Variants in ZFAND4 observed in about 807,000 individuals in gnomAD.
ZFAND4 encodes the protein AN1-type zinc finger protein 4.
A neutral mutation model predicts 64.4 loss-of-function variants in ZFAND4; 43 were observed. That is an observed-to-expected ratio of 0.67 (90% CI 0.52 to 0.86). The LOEUF (loss-of-function observed/expected upper bound fraction) is 0.86, where lower values mean the gene tolerates loss of function less well. Among genes scored for constraint, ZFAND4 ranks in the 40% least tolerant of loss-of-function variants. ZFAND4 has a pLI of 0.00. For missense variants in ZFAND4, 929 were observed against 859.8 expected (o/e 1.08, Z -1.01); for synonymous variants, 296 against 305.7 (o/e 0.97, Z 0.33).
chr10:45,660,024 A>C (rs920755371), intron 2 of ZFAND4, among the ~76,000 whole-genome samples: 1 of 152,044 alleles, frequency 6.6e-6, no homozygotes, highest in African/African-American at 2.4e-5. Context: ...AAAATACAAA[A>C]AATTAGCCGG....
chr10:45,636,951 T>C (rs2046636796), intron 6 of ZFAND4, among the ~76,000 whole-genome samples: 1 of 151,434 alleles, frequency 6.6e-6, no homozygotes, highest in African/African-American at 2.4e-5. Context: ...CATTTAGGAC[T>C]GTGAAGAAAG....
At chr10:45,665,456 G>A (rs373551795) in intron 1 of ZFAND4, among the ~76,000 whole-genome samples, 14 of 152,092 alleles carry the variant, frequency 9.2e-5, no homozygotes, top group African/African-American at 2.9e-4. Flanking sequence ...CAGGAGAACC[G>A]CTTGAGTCCA....
intron 2 of ZFAND4, among the ~76,000 whole-genome samples, chr10:45,660,052 C>G (rs1472074872): frequency 6.6e-6 from 1 of 151,430 alleles, no homozygotes; most frequent in East Asian, 1.9e-4. Context: ...GTCCCACCTA[C>G]TCGGGAGGCT....
At chr10:45,667,458 C>CCTTTTTTTTTTTTTTTTTTTTTT (rs1564639790) in intron 1 of ZFAND4, among the ~76,000 whole-genome samples, 1 of 90,662 alleles carries the variant, frequency 1.1e-5, no homozygotes. Flanking sequence ...TCTTTTCTTT[C>CCTTTTTTTTTTTTTTTTTTTTTT]TTTTTTTTTT....
chr10:45,658,251 A>G (rs1173000627), intron 2 of ZFAND4, among the ~76,000 whole-genome samples: 3 of 152,226 alleles, frequency 2.0e-5, no homozygotes, highest in Non-Finnish European at 4.4e-5. Context: ...AGATACACAC[A>G]GACACAAGGA....
chr10:45,635,225 C>CAAAAAAAAAAA (rs1486980850), intron 6 of ZFAND4, among the ~76,000 whole-genome samples: 7 of 70,664 alleles, frequency 9.9e-5, no homozygotes, highest in African/African-American at 1.6e-4. Flanking sequence ...AAAAAAAAAA[C>CAAAAAAAAAAA]AAACAAAAAA....
intron 7 of ZFAND4, 128 bp downstream of exon 7, chr10:45,625,823 T>G: frequency 1.0e-6 from 1 of 957,172 alleles, no homozygotes; most frequent in Non-Finnish European, 1.5e-6. Context: ...AAATAAACAT[T>G]TTCAGATAAA....
At chr10:45,664,440 T>C (rs756993159) in intron 1 of ZFAND4, among the ~76,000 whole-genome samples, 6 of 151,996 alleles carry the variant, frequency 3.9e-5, no homozygotes, top group Non-Finnish European at 8.8e-5. Context: ...AGCAGATTTT[T>C]GTATTTTTAG....
intron 6 of ZFAND4, among the ~76,000 whole-genome samples, chr10:45,638,273 G>C (rs905951171): frequency 2.0e-5 from 3 of 151,112 alleles, no homozygotes; most frequent in African/African-American, 7.3e-5. Context: ...CATGAGGTCA[G>C]GAGATCGAGA....
At position 45,621,796 on chromosome 10, in the gene ZFAND4, A is replaced by C. The variant is rs180798052; in HGVS notation, c.1927+2787T>G. Among the ~76,000 whole-genome samples the C allele has an allele frequency of 3.8e-3, 574 of 152,308 alleles. 3 individuals are homozygous for C. The highest frequency in any genetic ancestry group is 0.013 in the African/African-American group (549 of 41,570). ...ACTGAGGTTAAAAAAAGATTAAAAC[A>C]AAAGTAAAAATTTATAACAATGTGA... On this transcript the variant is annotated intron_variant, in intron 8 of 9. Transcript: ENST00000344646.
In ZFAND4 at chr10:45,652,024, T is replaced by C; in HGVS notation, c.270A>G (p.Glu90=). 1 of 1,613,808 alleles carries C rather than the reference T, an allele frequency of 6.2e-7. No homozygotes were observed. The highest frequency in any genetic ancestry group is 8.5e-7 in the Non-Finnish European group (1 of 1,179,744). Residue 90 remains glutamate, a synonymous_variant, in exon 4 of 10, where the codon GAA becomes GAG. Transcript: ENST00000344646. ...CCAAAACTAGCTTCAAGGTACACCC[T>C]TCTGAAATGCTGTGGATAGTTAACA... ...DYCLNDYNIS[E]GCTLKLVLAM... is the part of the protein sequence containing the mutation.
intron 6 of ZFAND4, among the ~76,000 whole-genome samples, chr10:45,639,374 A>G (rs2046838684): frequency 6.6e-6 from 1 of 152,202 alleles, no homozygotes. Context: ...CAAAAATTAC[A>G]AAGGACCATG....
chr10:45,623,425 T>C lies in ZFAND4; in HGVS notation c.1927+1158A>G, dbSNP rs575305721. On this transcript the variant is annotated intron_variant, in intron 8 of 9. Coordinates refer to ENST00000344646, the MANE Select transcript of ZFAND4 (RefSeq NM_174890.4). ...AATATGGTGTGTGTGTATGTGTATATTGTGTGTGTGTGTACACACACACGC... is the reference window on the plus strand; with the variant it reads ...AATATGGTGTGTGTGTATGTGTATACTGTGTGTGTGTGTACACACACACGC... 9.9e-5 allele frequency among the ~76,000 whole-genome samples: 15 copies of C among 151,916 alleles called. No homozygotes were observed. In the South Asian group the frequency reaches 1.5e-3, roughly 15 times the overall value.
chr10:45,629,908 G>T (rs1211441917), intron 6 of ZFAND4, among the ~76,000 whole-genome samples: 1 of 152,004 alleles, frequency 6.6e-6, no homozygotes. Context: ...ATAAAAAAGT[G>T]TGTCACTGAT....
Position 45,648,312 on chromosome 10 carries a change from T to C in ZFAND4, c.551A>G (p.Lys184Arg). 1.9e-6 allele frequency: 3 copies of C among 1,611,390 alleles called. No homozygotes were observed. The highest frequency in any genetic ancestry group is 2.5e-6 in the Non-Finnish European group (3 of 1,178,822). Reference protein sequence around the residue: ...IDFHLHVLRRKGEHRMSGGSM... With the variant: ...IDFHLHVLRRRGEHRMSGGSM... ...GGAGTACCTCATACGATGTTCTCCT[T>C]TTCTCCGTAGGACATGCAAATGAAA... The change falls in exon 5 of 10, where the codon AAA (lysine) becomes AGA (arginine). Residue 184 changes from lysine to arginine, a missense_variant. Lys to Arg is a conservative substitution (Grantham distance 26). Coordinates refer to ENST00000344646, the MANE Select transcript of ZFAND4 (RefSeq NM_174890.4).
intron 8 of ZFAND4, among the ~76,000 whole-genome samples, chr10:45,621,598 C>T (rs1160362218): frequency 2.6e-5 from 4 of 151,672 alleles, no homozygotes; most frequent in Middle Eastern, 3.2e-3. Context: ...AAAAATTAGC[C>T]GGGTGTGGTG....
Position 45,626,318 on chromosome 10 carries a change from A to G in ZFAND4, c.1505T>C (p.Leu502Pro). The G allele has an allele frequency of 6.2e-7, 1 of 1,614,232 alleles. No individual in the cohort carries two copies. The highest frequency in any genetic ancestry group is 8.5e-7 in the Non-Finnish European group (1 of 1,180,028). The part of the protein sequence containing the change: ...RQSKCFEFGK[L>P]QPSSSQSLDV... The stretch of plus-strand genomic sequence containing the variant: ...CAGTGACTGAGAAGAAGAAGGCTGT[A>G]GCTTCCCAAACTCAAAACATTTGGA... The change falls in exon 7 of 10, where the codon CTA (leucine) becomes CCA (proline). Residue 502 changes from leucine (L) to proline (P), a missense_variant. Transcript: ENST00000344646.
chr10:45,668,018 T>TAAAA (rs2048946552), intron 1 of ZFAND4, among the ~76,000 whole-genome samples: 1 of 152,252 alleles, frequency 6.6e-6, no homozygotes. Flanking sequence ...AACGCTTTTT[T>TAAAA]CATTGTCTAT....
intron 5 of ZFAND4, among the ~76,000 whole-genome samples, chr10:45,644,842 G>T (rs1004139474): frequency 3.3e-5 from 5 of 152,064 alleles, no homozygotes; most frequent in African/African-American, 9.7e-5. Flanking sequence ...CTACAGGTGA[G>T]AATATTTTCA....
Sources: gnomAD v4.1 joint callset for allele counts (sites outside exome capture counted in the v4.1 genomes callset) on GRCh38, gnomAD v4.1.1 for gene constraint, MANE v1.5 for transcripts, NCBI Gene and HGNC (gene_info 2026-07-23, HGNC 2026-07-21) for gene names.